PPP3CA: variants seen among roughly 807,000 people sequenced by gnomAD.
The protein encoded by PPP3CA is CAM-PRP catalytic subunit.
In PPP3CA, 14 loss-of-function variants were observed where a neutral mutation model predicts 66.5. The observed-to-expected ratio is 0.21, with a 90% CI of 0.14 to 0.33. The LOEUF (loss-of-function observed/expected upper bound fraction) is 0.33, where lower values mean the gene tolerates loss of function less well. Ranked by LOEUF, PPP3CA falls within the 10% of genes least tolerant of loss-of-function variation. PPP3CA has a pLI of 1.00. For synonymous variants in PPP3CA, 232 were observed against 226.2 expected (o/e 1.03, Z -0.23); for missense variants, 317 against 639.5 (o/e 0.50, Z 5.44).
At chr4:101,037,409 C>T (rs1011804352) in intron 11 of PPP3CA, among the ~76,000 whole-genome samples, 1 of 152,142 alleles carries the variant, frequency 6.6e-6, no homozygotes, top group Admixed American at 6.5e-5. Context: ...TGCACATTTC[C>T]AAAACGTAAG....
chr4:101,153,928 A>G (rs1723224678), intron 2 of PPP3CA, among the ~76,000 whole-genome samples: 2 of 152,204 alleles, frequency 1.3e-5, no homozygotes, highest in Admixed American at 1.3e-4. Context: ...CAGAAAAAAA[A>G]AAGCACAATA....
chr4:101,073,630 T>A (rs1274621701), intron 8 of PPP3CA, among the ~76,000 whole-genome samples: 1 of 152,168 alleles, frequency 6.6e-6, no homozygotes, highest in Non-Finnish European at 1.5e-5. Context: ...TATTCCTTCA[T>A]ATAAATTATT....
At chr4:101,102,085 A>G (rs1190690257) in intron 3 of PPP3CA, among the ~76,000 whole-genome samples, 1 of 152,232 alleles carries the variant, frequency 6.6e-6, no homozygotes, top group East Asian at 1.9e-4. Flanking sequence ...ACGATGCTAA[A>G]TATTTCTATC....
chr4:101,272,565 T>C (rs188742027), intron 1 of PPP3CA, among the ~76,000 whole-genome samples: 1 of 152,360 alleles, frequency 6.6e-6, no homozygotes, highest in Admixed American at 6.5e-5. Context: ...CCTTCTCTTA[T>C]GCTCAGAGAA....
intron 2 of PPP3CA, among the ~76,000 whole-genome samples, chr4:101,187,776 A>G (rs1724461543): frequency 6.6e-6 from 1 of 152,168 alleles, no homozygotes. Context: ...GAGGATAATG[A>G]ATTTCTACAA....
intron 11 of PPP3CA, among the ~76,000 whole-genome samples, chr4:101,033,354 T>A (rs925292420): frequency 4.7e-5 from 7 of 148,298 alleles, no homozygotes; most frequent in Admixed American, 1.3e-4. Flanking sequence ...GTATGTAGAA[T>A]TATCTACTCC....
chr4:101,039,614 C>A (rs1455129023), intron 11 of PPP3CA, among the ~76,000 whole-genome samples: 1 of 144,104 alleles, frequency 6.9e-6, no homozygotes, highest in Non-Finnish European at 1.6e-5. Flanking sequence ...ATGGCTACCT[C>A]TTTTGGCATT....
intron 2 of PPP3CA, among the ~76,000 whole-genome samples, chr4:101,183,918 A>T (rs1724323116): frequency 6.6e-6 from 1 of 152,156 alleles, no homozygotes; most frequent in Non-Finnish European, 1.5e-5. Context: ...CTGCTTTGAG[A>T]ATCACTACTA....
chr4:101,159,293 C>A (rs181746526), intron 2 of PPP3CA, among the ~76,000 whole-genome samples: 2 of 152,174 alleles, frequency 1.3e-5, no homozygotes. Context: ...CTGCAGGCCA[C>A]GCTGCTCTAA....
intron 1 of PPP3CA, among the ~76,000 whole-genome samples, chr4:101,285,146 T>C (rs1220670895): frequency 6.6e-6 from 1 of 152,192 alleles, no homozygotes; most frequent in Non-Finnish European, 1.5e-5. Flanking sequence ...CACTAAAATC[T>C]GTAACGTCCA....
chr4:101,181,215 T>G (rs1724226100), intron 2 of PPP3CA, among the ~76,000 whole-genome samples: 1 of 152,076 alleles, frequency 6.6e-6, no homozygotes, highest in Non-Finnish European at 1.5e-5. Context: ...ATGATCACCA[T>G]ATTAAAATTA....
chr4:101,322,637 T>C (rs989245762), intron 1 of PPP3CA, among the ~76,000 whole-genome samples: 1 of 152,230 alleles, frequency 6.6e-6, no homozygotes, highest in African/African-American at 2.4e-5. Context: ...CTCGAACTCC[T>C]GACCTCAGGT....
At chr4:101,250,383 G>C (rs1273092586) in intron 1 of PPP3CA, 1 of 455,536 alleles carries the variant, frequency 2.2e-6, no homozygotes, top group Non-Finnish European at 4.4e-6. Flanking sequence ...TCTGTAAAAA[G>C]GACATAATAA....
chr4:101,333,289 TTTTTTTTTTTTTTTTTTTTTG>T (rs1729502519), intron 1 of PPP3CA, among the ~76,000 whole-genome samples: 2 of 110,384 alleles, frequency 1.8e-5, no homozygotes, highest in African/African-American at 8.3e-5. Flanking sequence ...TTTTTTTTTT[TTTTTTTTTTTTTTTTTTTTTG>T]TAGAGATGAG....
At chr4:101,309,971 A>G (rs1317688118) in intron 1 of PPP3CA, among the ~76,000 whole-genome samples, 2 of 152,248 alleles carry the variant, frequency 1.3e-5, no homozygotes, top group Non-Finnish European at 2.9e-5. Context: ...AGCTTGAGAC[A>G]GTATTTCAAA....
intron 1 of PPP3CA, among the ~76,000 whole-genome samples, chr4:101,284,713 G>A (rs1239120510): frequency 6.7e-6 from 1 of 150,262 alleles, no homozygotes; most frequent in African/African-American, 2.5e-5. Context: ...GGTTACCATT[G>A]TTTTCAATGT....
At chr4:101,273,014 T>C (rs1356400827) in intron 1 of PPP3CA, among the ~76,000 whole-genome samples, 1 of 152,216 alleles carries the variant, frequency 6.6e-6, no homozygotes, top group East Asian at 1.9e-4. Flanking sequence ...ATTCTCCAGA[T>C]TGACTTTTGG....
intron 1 of PPP3CA, among the ~76,000 whole-genome samples, chr4:101,278,648 G>A (rs1578622868): frequency 6.6e-6 from 1 of 152,180 alleles, no homozygotes; most frequent in African/African-American, 2.4e-5. Flanking sequence ...AGGTGTGTCG[G>A]CAATGTTATA....
At chr4:101,227,751 T>C (rs569185061) in intron 1 of PPP3CA, among the ~76,000 whole-genome samples, 4 of 151,622 alleles carry the variant, frequency 2.6e-5, no homozygotes, top group Non-Finnish European at 5.9e-5. Flanking sequence ...TGGTGTCCAT[T>C]GCTCCCTTCT....
Sources: gnomAD v4.1 joint callset for allele counts (sites outside exome capture counted in the v4.1 genomes callset) on GRCh38, gnomAD v4.1.1 for gene constraint, MANE v1.5 for transcripts, NCBI Gene and HGNC (gene_info 2026-07-23, HGNC 2026-07-21) for gene names.